Variants in IL21R observed in about 807,000 individuals in gnomAD.
The protein encoded by IL21R is interleukin-21 receptor.
In IL21R, 14 loss-of-function variants were observed where a neutral mutation model predicts 41.3. The observed-to-expected ratio is 0.34, with a 90% CI of 0.22 to 0.53. The LOEUF is 0.53. IL21R is among the 20% of genes least tolerant of loss of function. IL21R has a pLI of 0.94. For synonymous variants in IL21R, 286 were observed against 287.6 expected, an observed-to-expected ratio of 0.99 and a Z score of 0.05; for missense variants, 588 against 681.6, an observed-to-expected ratio of 0.86 and a Z score of 1.53.
At chr16:27,403,657 C>T (rs1305114679) in intron 1 of IL21R, among the ~76,000 whole-genome samples, 2 of 152,138 alleles carry the variant, frequency 1.3e-5, no homozygotes, top group Admixed American at 6.5e-5. Flanking sequence ...ACCTCAGGGC[C>T]GAACAGGGTG....
chr16:27,434,313 C>A, intron 2 of IL21R, 34 bp from the exon 3 acceptor site: 1 of 1,394,744 alleles, frequency 7.2e-7, no homozygotes, highest in East Asian at 2.3e-5. Context: ...CAAGCCACCC[C>A]CCACCAAGGC....
chr16:27,405,700 C>G (rs1476190776), intron 1 of IL21R, among the ~76,000 whole-genome samples: 1 of 152,194 alleles, frequency 6.6e-6, no homozygotes, highest in South Asian at 2.1e-4. Flanking sequence ...AACCCACCCC[C>G]ACCCCTGGCT....
In IL21R at chr16:27,449,218, A is replaced by G; in HGVS notation, c.1552A>G (p.Ser518Gly). The change falls in exon 9 of 9, where the codon AGC (serine) becomes GGC (glycine). Residue 518 changes from serine (S) to glycine (G), a missense_variant. Coordinates refer to ENST00000337929, the MANE Select transcript of IL21R (RefSeq NM_181078.3). The part of the protein sequence containing the change: ...TSPGDEGPPR[S>G]YLRQWVVIPP... ...CCCCGGGGACGAAGGACCCCCCCGG[A>G]GCTACCTCCGCCAGTGGGTGGTCAT... is the stretch of plus-strand genomic sequence containing the variant. The G allele has an allele frequency of 6.2e-7, 1 of 1,612,546 alleles. No individual in the cohort carries two copies. The highest frequency in any genetic ancestry group is 1.7e-4 in the Middle Eastern group (1 of 6,060).
chr16:27,431,594 G>T (rs1242498899), intron 2 of IL21R, among the ~76,000 whole-genome samples: 1 of 152,098 alleles, frequency 6.6e-6, no homozygotes, highest in Non-Finnish European at 1.5e-5. Flanking sequence ...AGTTCTGGAG[G>T]CTGGGAAGTC....
rs569362562 is a variant in IL21R, at chr16:27,436,939, T to C, written c.153-549T>C. On this transcript the variant is annotated intron_variant, in intron 3 of 8. Coordinates refer to ENST00000337929, the MANE Select transcript of IL21R (RefSeq NM_181078.3). Reference sequence around the variant, plus strand: ...AATACAAAAAGTTAGCTGGGCATGGTGGTGCATGCATGTAGTCCCAGGTAC... The same window carrying C: ...AATACAAAAAGTTAGCTGGGCATGGCGGTGCATGCATGTAGTCCCAGGTAC... Among the ~76,000 whole-genome samples, 5 of 152,074 alleles carry C rather than the reference T, an allele frequency of 3.3e-5. No individual in the cohort carries two copies. The East Asian group carries it at 9.7e-4, about 29-fold the overall frequency.
In IL21R at chr16:27,445,253, C is replaced by A. The variant is rs578156230; in HGVS notation, c.762C>A (p.Ser254Arg). The change falls in exon 7 of 9, where the codon AGC becomes AGA. Residue 254 changes from serine to arginine, a missense_variant. Ser to Arg is a moderately radical substitution (Grantham distance 110). Transcript: ENST00000337929. ...TAGTCTTCATTCCTGCCTTCTGGAGCCTGAAGACCCATCCATTGTGGAGGT... is the reference window on the plus strand; with the variant it reads ...TAGTCTTCATTCCTGCCTTCTGGAGACTGAAGACCCATCCATTGTGGAGGT... Reference protein sequence around the residue: ...LVIVFIPAFWSLKTHPLWRLW... With the variant: ...LVIVFIPAFWRLKTHPLWRLW... 2 of 1,613,672 alleles carry A rather than the reference C, an allele frequency of 1.2e-6. No homozygotes were observed. The highest frequency in any genetic ancestry group is 2.7e-5 in the African/African-American group (2 of 75,014).
chr16:27,428,266 A>G (rs1304981536), intron 1 of IL21R, among the ~76,000 whole-genome samples: 1 of 152,222 alleles, frequency 6.6e-6, no homozygotes, highest in East Asian at 1.9e-4. Context: ...ACTGGCCCGG[A>G]GCCACACAGC....
chr16:27,434,180 C>G (rs928516643), intron 2 of IL21R, among the ~76,000 whole-genome samples, 167 bp from the exon 3 acceptor site: 1 of 61,314 alleles, frequency 1.6e-5, no homozygotes, highest in Non-Finnish European at 3.2e-5. Flanking sequence ...GGTGGTGAGG[C>G]CCCCTGGGTG....
intron 1 of IL21R, among the ~76,000 whole-genome samples, chr16:27,408,923 TG>T (rs1344277650): frequency 6.6e-6 from 1 of 152,124 alleles, no homozygotes; most frequent in African/African-American, 2.4e-5. Context: ...CTTTCCAGTG[TG>T]GGGAGGTTGT....
At chr16:27,434,654 G>A (rs1010787894) in intron 3 of IL21R, among the ~76,000 whole-genome samples, 7 of 152,096 alleles carry the variant, frequency 4.6e-5, no homozygotes, top group African/African-American at 1.7e-4. Context: ...CACACAGGTC[G>A]GCCATGGTTT....
rs925362680 is a variant in IL21R, at chr16:27,409,091, T to C, written c.-17+6473T>C. Among the ~76,000 whole-genome samples, 4 of 151,904 alleles carry C rather than the reference T, an allele frequency of 2.6e-5. No homozygotes were observed. In the East Asian group the frequency reaches 5.8e-4, roughly 22 times the overall value. ...GTCGATTTACACTCTTACCAGAATATTGAGTAGAGACAGAGAGTTTAGTTA... is the reference window on the plus strand; with the variant it reads ...GTCGATTTACACTCTTACCAGAATACTGAGTAGAGACAGAGAGTTTAGTTA... On this transcript the variant is annotated intron_variant, in intron 1 of 8. Coordinates refer to ENST00000337929, the MANE Select transcript of IL21R (RefSeq NM_181078.3).
In IL21R at chr16:27,434,468, C is replaced by T. The variant is rs1320430326; in HGVS notation, c.152+19C>T. 2 of 1,529,402 alleles carry T rather than the reference C, an allele frequency of 1.3e-6. No homozygotes were observed. The highest frequency in any genetic ancestry group is 1.1e-5 in the South Asian group (1 of 89,028). 94.7% of individuals were successfully genotyped at this position (1,529,402 alleles called of 1,614,324 possible). On this transcript the variant is annotated intron_variant, in intron 3 of 8. Coordinates refer to ENST00000337929, the MANE Select transcript of IL21R (RefSeq NM_181078.3). ...TTACCTGGTAAGTAGCCGGGCCTCA[C>T]CAGTCCCCGGGGATGCAATTCAGGG...
In IL21R at chr16:27,446,001, C is replaced by G. The variant is rs757674114; in HGVS notation, c.786-6C>G. 13 of 1,610,354 alleles carry G rather than the reference C, an allele frequency of 8.1e-6. No homozygotes were observed. The African/African-American group carries it at 1.2e-4, about 15-fold the overall frequency. On this transcript the variant is annotated splice_region_variant and splice_polypyrimidine_tract_variant and intron_variant, in intron 7 of 8. Transcript: ENST00000337929. ...TCAGGGTCCTCACCCCTCTCTGCCCCCTCAGGCTATGGAAGAAGATATGGG... is the reference window on the plus strand; with the variant it reads ...TCAGGGTCCTCACCCCTCTCTGCCCGCTCAGGCTATGGAAGAAGATATGGG...
At chr16:27,445,871 G>C in intron 7 of IL21R, 136 bp from the exon 8 acceptor site, 1 of 564,144 alleles carries the variant, frequency 1.8e-6, no homozygotes, top group Non-Finnish European at 3.1e-6. Context: ...CCAAGCCCCA[G>C]GGAAGGAGGG....
chr16:27,429,498 G>A (rs761432849), intron 1 of IL21R, among the ~76,000 whole-genome samples: 3 of 152,136 alleles, frequency 2.0e-5, no homozygotes, highest in East Asian at 1.9e-4. Flanking sequence ...TGTGCTGGGC[G>A]TGGTGACTCA....
Position 27,451,109 on chromosome 16 carries a change from C to T in IL21R, c.*1826C>T, listed in dbSNP as rs563774950. The T allele has an allele frequency of 5.9e-4, 138 of 232,928 alleles. No homozygotes were observed. The South Asian group carries it at 7.2e-3, about 12-fold the overall frequency. 14.4% of individuals were successfully genotyped at this position (232,928 alleles called of 1,614,324 possible). On this transcript the variant is annotated 3_prime_UTR_variant, in exon 9 of 9. Transcript: ENST00000337929. ...CAAGAGTGGAAACACAGCTTCTGCA[C>T]GGAGCAGGCGCAGCCCTCAACACCC...
intron 2 of IL21R, among the ~76,000 whole-genome samples, chr16:27,433,401 G>A (rs2087208948): frequency 6.6e-6 from 1 of 152,176 alleles, no homozygotes; most frequent in South Asian, 2.1e-4. Context: ...AGGAGGTGGA[G>A]GCTGCAGTGA....
rs1452510164 is a variant in IL21R at position 27,443,242 on chromosome 16, C to T, written c.507+126C>T. Reference sequence around the variant, plus strand: ...TGGCCAAGAACAGAGACCAAGGGCACGAGCACTCCCTTACAGCGGGCCCTC... The same window carrying T: ...TGGCCAAGAACAGAGACCAAGGGCATGAGCACTCCCTTACAGCGGGCCCTC... On this transcript the variant is annotated intron_variant, in intron 5 of 8. Coordinates refer to ENST00000337929, the MANE Select transcript of IL21R (RefSeq NM_181078.3). 37 of 753,854 alleles carry T rather than the reference C, an allele frequency of 4.9e-5. No homozygotes were observed. The South Asian group carries it at 5.1e-4, about 10-fold the overall frequency. The allele number at this position is 753,854 out of a possible 1,614,324, so 46.7% of individuals were successfully genotyped here.
Position 27,443,068 on chromosome 16 carries a change from G to A in IL21R, c.459G>A (p.Lys153=), listed in dbSNP as rs1596594578. ...EDPAFYMLKG[K]LQYELQYRNR... Reference sequence around the variant, plus strand: ...CTGCCTTCTACATGCTGAAGGGCAAGCTTCAGTATGAGCTGCAGTACAGGA... The same window carrying A: ...CTGCCTTCTACATGCTGAAGGGCAAACTTCAGTATGAGCTGCAGTACAGGA... Residue 153 remains lysine, a synonymous_variant, in exon 5 of 9, where the codon AAG becomes AAA. Transcript: ENST00000337929. 6.2e-7 allele frequency: 1 copy of A among 1,614,006 alleles called. No individual in the cohort carries two copies. Among genetic ancestry groups the A allele is most frequent in the Admixed American group, 1.7e-5 (1 of 60,014 alleles).
Sources: allele counts gnomAD v4.1 joint callset (sites outside exome capture counted in the v4.1 genomes callset), GRCh38; gene constraint gnomAD v4.1.1; transcripts MANE v1.5; gene names NCBI Gene and HGNC (gene_info 2026-07-23, HGNC 2026-07-21).